Variants in HLA-DRB5 observed in about 807,000 individuals in gnomAD.
HLA-DRB5 encodes DR beta-5.
Under a neutral mutation model 22.4 loss-of-function variants are expected in HLA-DRB5, and 11 were observed. The ratio of observed to expected loss-of-function variants is 0.49; its 90% CI spans 0.31 to 0.81. The LOEUF is 0.81. Among genes scored for constraint, HLA-DRB5 ranks in the 40% least tolerant of loss-of-function variants. The pLI is 0.05. For missense variants in HLA-DRB5, 106 were observed against 274.4 expected, an observed-to-expected ratio of 0.39 and a Z score of 4.34; for synonymous variants, 57 against 106.0, an observed-to-expected ratio of 0.54 and a Z score of 2.84.
In HLA-DRB5 at chr6:32,518,587, G is replaced by A. The variant is rs199682224; in HGVS notation, c.732C>T (p.Ala244=). Residue 244 remains alanine (A), a synonymous_variant, in exon 4 of 6, where the codon GCC becomes GCT. Transcript: ENST00000374975. ...GATTCTTGAAGTAGATGAATAGCCC[G>A]GCCCCAAGGAAGAGCAGGCCCAGCA... ...GFVLGLLFLG[A]GLFIYFKNQK... is the part of the protein sequence containing the mutation. 1.2e-5 allele frequency: 7 copies of A among 582,938 alleles called. No homozygotes were observed. Among genetic ancestry groups the A allele is most frequent in the Non-Finnish European group, 1.6e-5 (7 of 424,922 alleles). The allele number at this position is 582,938 out of a possible 1,614,324, so 36.1% of individuals were successfully genotyped here.
chr6:32,519,747 G>A (rs72508432), intron 2 of HLA-DRB5, 96 bp from the exon 3 acceptor site: 25,241 of 382,414 alleles, frequency 0.066, 19 homozygotes, highest in Admixed American at 0.084. Context: ...CCAGGCTCTG[G>A]CCTTGACCAG....
chr6:32,522,089 G>C lies in HLA-DRB5; in HGVS notation c.186C>G (p.Asn62Lys). 1 of 1,293,756 alleles carries C rather than the reference G, an allele frequency of 7.7e-7. No homozygotes were observed. Among genetic ancestry groups the C allele is most frequent in the Non-Finnish European group, 1.1e-6 (1 of 924,958 alleles). The allele number at this position is 1,293,756 out of a possible 1,614,324, so 80.1% of individuals were successfully genotyped here. A position where few individuals can be genotyped will look rare whatever the true frequency, so the allele number is the denominator to read the frequency against. The part of the protein sequence containing the change: ...RVRFLHRDIY[N>K]QEEDLRFDSD... ...TGTCGAAGCGCAAGTCCTCCTCTTG[G>C]TTATAGATGTCTCTGTGCAGGAACC... Residue 62 changes from asparagine (N) to lysine (K), a missense_variant, in exon 2 of 6, where the codon AAC (asparagine) becomes AAG (lysine). By Grantham distance (94) the Asn-to-Lys change is moderately conservative. Coordinates refer to ENST00000374975, the MANE Select transcript of HLA-DRB5 (RefSeq NM_002125.4).
At chr6:32,524,604 A>G (rs922586762) in intron 1 of HLA-DRB5, among the ~76,000 whole-genome samples, 3,347 of 85,308 alleles carry the variant, frequency 0.039, 161 homozygotes, top group East Asian at 0.084. Context: ...AGAGACCTTC[A>G]CAAAGCTCCG....
chr6:32,528,260 T>A (rs72849295), intron 1 of HLA-DRB5, among the ~76,000 whole-genome samples: 7,627 of 105,138 alleles, frequency 0.073, 41 homozygotes, highest in Admixed American at 0.11. Context: ...TTCAGTGCAC[T>A]ATGACTCTCT....
At chr6:32,529,182 C>CTTATGAGACATGAACAATGTCCA (rs1475482665) in intron 1 of HLA-DRB5, among the ~76,000 whole-genome samples, 1 of 134,856 alleles carries the variant, frequency 7.4e-6, no homozygotes. Flanking sequence ...AACTTTCAGC[C>CTTATGAGACATGAACAATGTCCA]CTATGAGATG....
At chr6:32,522,861 T>G (rs185082460) in intron 1 of HLA-DRB5, among the ~76,000 whole-genome samples, 942 of 34,840 alleles carry the variant, frequency 0.027, 89 homozygotes, top group East Asian at 0.044. Flanking sequence ...GTTAAGCAGG[T>G]GTGAACCAGG....
rs114154036 is a variant in HLA-DRB5, at chr6:32,524,972, T to C, written c.101-2798A>G. ...AGAAGAAGGAATGATTTAATACTTC[T>C]TTATGTTCTTCAACACATGCCTATG... is the stretch of plus-strand genomic sequence containing the variant. On this transcript the variant is annotated intron_variant, in intron 1 of 5. Coordinates refer to ENST00000374975, the MANE Select transcript of HLA-DRB5 (RefSeq NM_002125.4). Among the ~76,000 whole-genome samples, 233 of 37,188 alleles carry C rather than the reference T, an allele frequency of 6.3e-3. 65 individuals carry two copies. The highest frequency in any genetic ancestry group is 6.9e-3 in the Non-Finnish European group (124 of 18,010). 24.4% of individuals were successfully genotyped at this position (37,188 alleles called of 152,430 possible). A position where few individuals can be genotyped will look rare whatever the true frequency, so the allele number is the denominator to read the frequency against.
intron 1 of HLA-DRB5, among the ~76,000 whole-genome samples, chr6:32,528,263 G>T (rs200926331): frequency 1.2e-3 from 135 of 112,988 alleles, no homozygotes; most frequent in Middle Eastern, 4.2e-3. Context: ...AGTGCACTAT[G>T]ACTCTCTGAA....
chr6:32,521,571 A>G (rs528996506), intron 2 of HLA-DRB5, among the ~76,000 whole-genome samples: 33,340 of 65,682 alleles, frequency 0.51, 5,875 homozygotes, highest in Middle Eastern at 0.58. Context: ...TAAGGACACG[A>G]GACAACCAAG....
At chr6:32,520,583 C>A (rs112377274) in intron 2 of HLA-DRB5, among the ~76,000 whole-genome samples, 23,166 of 71,892 alleles carry the variant, frequency 0.32, 3,355 homozygotes, top group Middle Eastern at 0.36. Context: ...TCCAGAATGA[C>A]ATTTGGATCA....
At chr6:32,524,003 T>TTTC (rs1554267171) in intron 1 of HLA-DRB5, among the ~76,000 whole-genome samples, 5,731 of 50,070 alleles carry the variant, frequency 0.11, 723 homozygotes, top group Middle Eastern at 0.24. Flanking sequence ...CAAAAATTGC[T>TTTC]CAAACATTGC....
Position 32,527,519 on chromosome 6 carries a change from A to G in HLA-DRB5, c.100+2606T>C. On this transcript the variant is annotated intron_variant, in intron 1 of 5. Coordinates refer to ENST00000374975, the MANE Select transcript of HLA-DRB5 (RefSeq NM_002125.4). ...TCTCAAAAAAAAAAAAAATTAAAAAATTAAAAAAAAAGAATATAAATTGAC... is the reference window on the plus strand; with the variant it reads ...TCTCAAAAAAAAAAAAAATTAAAAAGTTAAAAAAAAAGAATATAAATTGAC... 6.8e-5 allele frequency among the ~76,000 whole-genome samples: 2 copies of G among 29,410 alleles called. 1 individual carries two copies. The highest frequency in any genetic ancestry group is 1.4e-4 in the Non-Finnish European group (2 of 13,978). 19.3% of individuals were successfully genotyped at this position (29,410 alleles called of 152,430 possible). A position where few individuals can be genotyped will look rare whatever the true frequency, so the allele number is the denominator to read the frequency against.
rs1287308152 is a variant in HLA-DRB5 at position 32,523,667 on chromosome 6, A to G, written c.101-1493T>C. Among the ~76,000 whole-genome samples the G allele has an allele frequency of 1.8e-4, 22 of 123,628 alleles. No homozygotes were observed. In the East Asian group the frequency reaches 4.8e-3, roughly 27 times the overall value. 81.1% of individuals were successfully genotyped at this position (123,628 alleles called of 152,430 possible). On this transcript the variant is annotated intron_variant, in intron 1 of 5. Transcript: ENST00000374975. ...AAAAATATTGCATAAGGCAAAAACT[A>G]ACTATGAAGCTATTAAACTTGCATT...
At chr6:32,528,984 TAA>T (rs1769978610) in intron 1 of HLA-DRB5, among the ~76,000 whole-genome samples, 5 of 126,186 alleles carry the variant, frequency 4.0e-5, no homozygotes, top group African/African-American at 5.6e-5. Flanking sequence ...CTCATAGTGC[TAA>T]GGATCTGTGC....
At chr6:32,524,807 C>A (rs116372742) in intron 1 of HLA-DRB5, among the ~76,000 whole-genome samples, 2 of 91,614 alleles carry the variant, frequency 2.2e-5, no homozygotes, top group Non-Finnish European at 2.2e-5. Flanking sequence ...TTAGGGTTGA[C>A]AGATTTGACA....
At chr6:32,523,738 CTA>C (rs1769242109) in intron 1 of HLA-DRB5, among the ~76,000 whole-genome samples, 1 of 94,528 alleles carries the variant, frequency 1.1e-5, no homozygotes, top group Non-Finnish European at 2.3e-5. Context: ...ATGCAACTGT[CTA>C]CTTTTGCATA....
chr6:32,522,357 T>C (rs572264676), intron 1 of HLA-DRB5, among the ~76,000 whole-genome samples, 183 bp from the exon 2 acceptor site: 1 of 40,892 alleles, frequency 2.4e-5, no homozygotes, highest in African/African-American at 9.4e-5. Context: ...GAACGGGGTG[T>C]CTGGGGGACC....
chr6:32,525,958 G>A (rs756684394), intron 1 of HLA-DRB5, among the ~76,000 whole-genome samples: 6,357 of 41,398 alleles, frequency 0.15, 1,947 homozygotes, highest in Non-Finnish European at 0.2. Flanking sequence ...GCACACAGGG[G>A]CCCTCTAATA....
intron 1 of HLA-DRB5, among the ~76,000 whole-genome samples, chr6:32,523,856 C>T (rs112851809): frequency 0.12 from 7,132 of 60,410 alleles, 94 homozygotes; most frequent in Middle Eastern, 0.16. Context: ...ACAGTGCTCT[C>T]AGCCTCAGCA....
Sources: allele counts gnomAD v4.1 joint callset (sites outside exome capture counted in the v4.1 genomes callset), GRCh38; gene constraint gnomAD v4.1.1; transcripts MANE v1.5; gene names NCBI Gene and HGNC (gene_info 2026-07-23, HGNC 2026-07-21).